TRPC5: variants seen among roughly 807,000 people sequenced by gnomAD.
TRPC5 encodes short transient receptor potential channel 5.
Under a neutral mutation model 56.5 loss-of-function variants are expected in TRPC5, and 9 were observed. The ratio of observed to expected loss-of-function variants is 0.16; its 90% confidence interval spans 0.10 to 0.28. The LOEUF (loss-of-function observed/expected upper bound fraction) is 0.28, where lower values mean the gene tolerates loss of function less well. Among genes scored for constraint, TRPC5 ranks in the 10% least tolerant of loss-of-function variants. The probability of loss-of-function intolerance (pLI) is 1.00; values close to 1 mark genes in which losing one functional copy is unlikely to be tolerated. For missense variants in TRPC5, 469 were observed against 748.9 expected (o/e 0.63, Z 4.36); for synonymous variants, 282 against 278.5 (o/e 1.01, Z -0.13).
At chrX:111,963,762 A>T (rs141192431) in intron 1 of TRPC5, among the ~76,000 whole-genome samples, 113 of 112,187 alleles carry the variant, frequency 1.0e-3, no homozygotes, top group Non-Finnish European at 1.9e-3. Context: ...CAGCTGAGGG[A>T]CCTGTCTGTT....
At chrX:111,856,806 G>A (rs1056049832) in intron 3 of TRPC5, among the ~76,000 whole-genome samples, 4 of 96,612 alleles carry the variant, frequency 4.1e-5, no homozygotes, top group Non-Finnish European at 8.2e-5. Context: ...GCAGCAGAGC[G>A]AGACTCCATC....
At chrX:111,963,260 G>T (rs1188317772) in intron 1 of TRPC5, among the ~76,000 whole-genome samples, 3 of 112,468 alleles carry the variant, frequency 2.7e-5, no homozygotes, top group African/African-American at 9.7e-5. Context: ...CTGCAAGGTG[G>T]CAGTGAGGCT....
intron 2 of TRPC5, among the ~76,000 whole-genome samples, chrX:111,951,552 G>C (rs1428523800): frequency 9.0e-6 from 1 of 111,720 alleles, no homozygotes; most frequent in Non-Finnish European, 1.9e-5. Context: ...GAAGTCACTT[G>C]ACAGGTACTG....
chrX:111,944,289 TGTGTGTGTGTGTGTGA>T (rs1464440310), intron 2 of TRPC5, among the ~76,000 whole-genome samples: 1 of 85,090 alleles, frequency 1.2e-5, no homozygotes, highest in Non-Finnish European at 2.2e-5. Context: ...TGTGTGTGTG[TGTGTGTGTGTGTGTGA>T]GAGAGAGAGA....
chrX:112,047,567 G>A (rs1307904757), intron 1 of TRPC5, among the ~76,000 whole-genome samples: 1 of 112,029 alleles, frequency 8.9e-6, no homozygotes, highest in Non-Finnish European at 1.9e-5. Context: ...AGCTCTTCTA[G>A]GGAGACAAAA....
chrX:111,829,994 G>A (rs930442653), intron 7 of TRPC5, among the ~76,000 whole-genome samples: 3 of 112,633 alleles, frequency 2.7e-5, no homozygotes, highest in Non-Finnish European at 3.8e-5. Flanking sequence ...ACAGACACTC[G>A]ACACCAGCCT....
chrX:112,049,430 T>TAC (rs1254899494), intron 1 of TRPC5, among the ~76,000 whole-genome samples: 4 of 103,000 alleles, frequency 3.9e-5, no homozygotes, highest in East Asian at 2.9e-4. Context: ...CACGCATATA[T>TAC]ATACACACAC....
At position 112,056,884 on chromosome X, in the gene TRPC5, A is replaced by G. The variant is rs936301333; in HGVS notation, c.-22+24995T>C. ...TTTCAATTGTTTGATTTTCCTTCCT[A>G]TGACTACATGCTTAATTGAATATCA... is the stretch of plus-strand genomic sequence containing the variant. On this transcript the variant is annotated intron_variant, in intron 1 of 10. Coordinates refer to ENST00000262839, the MANE Select transcript of TRPC5 (RefSeq NM_012471.3). Among the ~76,000 whole-genome samples, 4 of 112,400 alleles carry G rather than the reference A, an allele frequency of 3.6e-5. No homozygotes were observed. The Admixed American group carries it at 3.8e-4, about 11-fold the overall frequency.
Position 111,779,741 on chromosome X carries a change from A to C in TRPC5, c.2143-667T>G, listed in dbSNP as rs372064387. 5.3e-5 allele frequency among the ~76,000 whole-genome samples: 6 copies of C among 112,162 alleles called. No individual in the cohort carries two copies. In the South Asian group the frequency reaches 1.5e-3, roughly 28 times the overall value. ...TATTACTCTTCCCATGTTACAGATGAGGAAGTCAAGGCTCAATGAGGCTGA... is the reference window on the plus strand; with the variant it reads ...TATTACTCTTCCCATGTTACAGATGCGGAAGTCAAGGCTCAATGAGGCTGA... On this transcript the variant is annotated intron_variant, in intron 9 of 10. Transcript: ENST00000262839.
chrX:111,867,102 G>A (rs1220802295), intron 3 of TRPC5, among the ~76,000 whole-genome samples: 3 of 111,428 alleles, frequency 2.7e-5, no homozygotes, highest in Non-Finnish European at 5.6e-5. Context: ...GTGTTCAGAC[G>A]CCCACATAAA....
At chrX:112,014,327 G>A (rs959122004) in intron 1 of TRPC5, among the ~76,000 whole-genome samples, 1 of 112,466 alleles carries the variant, frequency 8.9e-6, no homozygotes, top group African/African-American at 3.2e-5. Context: ...CTTCCAGATT[G>A]TATCTGACAT....
intron 1 of TRPC5, among the ~76,000 whole-genome samples, chrX:112,007,613 C>T (rs754043310): frequency 7.9e-4 from 88 of 111,530 alleles, no homozygotes; most frequent in African/African-American, 2.6e-3. Context: ...TGTGGTAGGC[C>T]GGCATAACAG....
intron 2 of TRPC5, among the ~76,000 whole-genome samples, chrX:111,933,724 A>T (rs1478819047): frequency 9.0e-6 from 1 of 111,508 alleles, no homozygotes; most frequent in Non-Finnish European, 1.9e-5. Flanking sequence ...TCTTTCTGAG[A>T]GCCAAGCATC....
At chrX:111,822,599 A>T (rs908756890) in intron 7 of TRPC5, among the ~76,000 whole-genome samples, 1 of 112,011 alleles carries the variant, frequency 8.9e-6, no homozygotes. Context: ...CCATGAGAAC[A>T]AGGACCCAGT....
At chrX:111,798,906 A>T (rs78985520) in intron 7 of TRPC5, among the ~76,000 whole-genome samples, 3 of 112,118 alleles carry the variant, frequency 2.7e-5, no homozygotes, top group Non-Finnish European at 5.6e-5. Flanking sequence ...TGCCAGCAAA[A>T]GATGGTTTGA....
chrX:112,052,233 T>A (rs1930231915), intron 1 of TRPC5, among the ~76,000 whole-genome samples: 1 of 111,583 alleles, frequency 9.0e-6, no homozygotes, highest in Admixed American at 9.5e-5. Context: ...CACTTTACGT[T>A]CCCATCAACA....
At chrX:112,048,334 G>C (rs1220604305) in intron 1 of TRPC5, among the ~76,000 whole-genome samples, 1 of 100,069 alleles carries the variant, frequency 1.0e-5, no homozygotes, top group Non-Finnish European at 2.0e-5. Flanking sequence ...CTGGGAGGCA[G>C]AGGTTGCAGT....
intron 6 of TRPC5, among the ~76,000 whole-genome samples, chrX:111,840,347 A>G: frequency 9.0e-6 from 1 of 111,686 alleles, no homozygotes; most frequent in Non-Finnish European, 1.9e-5. Flanking sequence ...ACTTTATATC[A>G]TCTCTAGATT....
chrX:111,896,471 C>T (rs1020975078), intron 3 of TRPC5: 3 of 109,897 alleles, frequency 2.7e-5, no homozygotes, highest in Non-Finnish European at 3.8e-5. Context: ...CCTTGATATC[C>T]GCATCCCTCT....
Sources: gnomAD v4.1 joint callset for allele counts (sites outside exome capture counted in the v4.1 genomes callset) on GRCh38, gnomAD v4.1.1 for gene constraint, MANE v1.5 for transcripts, NCBI Gene and HGNC (gene_info 2026-07-23, HGNC 2026-07-21) for gene names.